Variants in FAM193A observed in about 807,000 individuals in gnomAD.
FAM193A encodes protein FAM193A.
Under a neutral mutation model 126.5 loss-of-function variants are expected in FAM193A, and 22 were observed. The observed-to-expected ratio is 0.17, with a 90% CI of 0.12 to 0.25. FAM193A has a LOEUF of 0.25. Ranked by LOEUF, FAM193A falls within the 10% of genes least tolerant of loss-of-function variation. The pLI, the probability that FAM193A is intolerant of heterozygous loss-of-function variation, is 1.00. For synonymous variants in FAM193A, 761 were observed against 646.8 expected (o/e 1.18, Z -2.68); for missense variants, 1,675 against 1,672.8 (o/e 1.00, Z -0.02).
chr4:2,547,024 T>A (rs1737603588), intron 1 of FAM193A, among the ~76,000 whole-genome samples: 1 of 152,178 alleles, frequency 6.6e-6, no homozygotes, highest in Non-Finnish European at 1.5e-5. Flanking sequence ...GCTCAGGCAG[T>A]CTACTGGTCT....
At chr4:2,715,599 G>A in intron 19 of FAM193A, 4 of 818,204 alleles carry the variant, frequency 4.9e-6, no homozygotes, top group Non-Finnish European at 6.0e-6. Flanking sequence ...ACATGGGCCT[G>A]TCCCCTGGGC....
intron 19 of FAM193A, among the ~76,000 whole-genome samples, chr4:2,706,733 T>C (rs905904377): frequency 6.6e-6 from 1 of 151,414 alleles, no homozygotes; most frequent in African/African-American, 2.4e-5. Context: ...CTCGTAGGGC[T>C]GTTCTCTCCT....
At chr4:2,618,776 G>C (rs1471281158) in intron 2 of FAM193A, among the ~76,000 whole-genome samples, 9 of 151,958 alleles carry the variant, frequency 5.9e-5, no homozygotes, top group African/African-American at 2.2e-4. Context: ...TGTATTTTTA[G>C]AAGGGACAAG....
intron 19 of FAM193A, among the ~76,000 whole-genome samples, chr4:2,705,153 G>A (rs1285096026): frequency 2.6e-5 from 4 of 152,128 alleles, no homozygotes; most frequent in Admixed American, 2.6e-4. Context: ...CTCACAATCC[G>A]CCTGTCTTGG....
At chr4:2,641,875 A>G (rs1744659916) in intron 6 of FAM193A, among the ~76,000 whole-genome samples, 1 of 151,574 alleles carries the variant, frequency 6.6e-6, no homozygotes, top group Non-Finnish European at 1.5e-5. Context: ...AGGCTGAGGC[A>G]GGAGGATTGC....
At chr4:2,670,652 G>T (rs1219313394) in intron 12 of FAM193A, among the ~76,000 whole-genome samples, 2 of 152,064 alleles carry the variant, frequency 1.3e-5, no homozygotes, top group Admixed American at 6.5e-5. Flanking sequence ...TAGAGACAGG[G>T]TTTTGCCATG....
intron 1 of FAM193A, among the ~76,000 whole-genome samples, chr4:2,593,481 C>T (rs916004482): frequency 6.6e-6 from 1 of 152,176 alleles, no homozygotes; most frequent in African/African-American, 2.4e-5. Flanking sequence ...ATCTTCTTTG[C>T]TGTTATGTTT....
At chr4:2,728,591 A>G (rs1721018976) in intron 20 of FAM193A, among the ~76,000 whole-genome samples, 1 of 152,084 alleles carries the variant, frequency 6.6e-6, no homozygotes, top group African/African-American at 2.4e-5. Flanking sequence ...CCTGGGGCTG[A>G]AATTTTGTTC....
chr4:2,609,254 G>C (rs1008169418), intron 2 of FAM193A, among the ~76,000 whole-genome samples: 1 of 151,994 alleles, frequency 6.6e-6, no homozygotes, highest in Non-Finnish European at 1.5e-5. Flanking sequence ...TTATATGAAG[G>C]CTAAAAGACA....
At chr4:2,647,231 C>T (rs1284688985) in intron 7 of FAM193A, among the ~76,000 whole-genome samples, 2 of 152,048 alleles carry the variant, frequency 1.3e-5, no homozygotes, top group African/African-American at 2.4e-5. Context: ...CCCCAACCTC[C>T]GCCTCCCGGG....
chr4:2,658,006 A>C (rs1160424689), intron 8 of FAM193A, 126 bp downstream of exon 8: 1 of 702,276 alleles, frequency 1.4e-6, no homozygotes, highest in East Asian at 2.6e-5. Context: ...ATGTTTTGCC[A>C]GCGTTAAAAA....
At chr4:2,692,865 G>A in intron 15 of FAM193A, among the ~76,000 whole-genome samples, 1 of 150,522 alleles carries the variant, frequency 6.6e-6, no homozygotes, top group Non-Finnish European at 1.5e-5. Flanking sequence ...GAGGGAGGGA[G>A]GGAAAGAAAG....
At chr4:2,538,839 T>C (rs1382965771) in intron 1 of FAM193A, among the ~76,000 whole-genome samples, 4 of 152,184 alleles carry the variant, frequency 2.6e-5, no homozygotes, top group Non-Finnish European at 5.9e-5. Context: ...ATTTCAAGTT[T>C]TAATAATTTA....
At chr4:2,674,373 C>A (rs999718976) in intron 13 of FAM193A, among the ~76,000 whole-genome samples, 1 of 152,210 alleles carries the variant, frequency 6.6e-6, no homozygotes, top group Non-Finnish European at 1.5e-5. Flanking sequence ...GAGTTGTGGA[C>A]AGCTTAAGAA....
At chr4:2,623,179 CTT>C (rs1314740790) in intron 2 of FAM193A, among the ~76,000 whole-genome samples, 1 of 149,526 alleles carries the variant, frequency 6.7e-6, no homozygotes, top group Non-Finnish European at 1.5e-5. Flanking sequence ...CCCCTGCTGT[CTT>C]TTTTTTTTGA....
chr4:2,579,686 G>A (rs1052587257), intron 1 of FAM193A, among the ~76,000 whole-genome samples: 3 of 151,922 alleles, frequency 2.0e-5, no homozygotes, highest in South Asian at 4.2e-4. Context: ...GTGACAGAGT[G>A]AGGCCCTGTC....
intron 1 of FAM193A, among the ~76,000 whole-genome samples, chr4:2,578,749 CTG>C (rs1739749384): frequency 6.6e-6 from 1 of 152,094 alleles, no homozygotes; most frequent in African/African-American, 2.4e-5. Context: ...ATATTATCTA[CTG>C]TATTCCTACA....
At chr4:2,612,231 G>A (rs576504923) in intron 2 of FAM193A, among the ~76,000 whole-genome samples, 3 of 151,906 alleles carry the variant, frequency 2.0e-5, no homozygotes, top group East Asian at 2.0e-4. Flanking sequence ...TGGCCGGGCC[G>A]TGGCTCACGC....
Position 2,596,074 on chromosome 4 carries a change from T to C in FAM193A, c.256-10T>C. ...GGTTTTGAAAATAGAATTTTTTTTT[T>C]CTATTCCAGACTCCTTTTAGTTTTG... On this transcript the variant is annotated splice_polypyrimidine_tract_variant and intron_variant, in intron 1 of 20. Coordinates refer to ENST00000637812, the MANE Select transcript of FAM193A (RefSeq NM_001366318.2). The C allele has an allele frequency of 1.5e-6, 1 of 682,328 alleles. No homozygotes were observed. Among genetic ancestry groups the C allele is most frequent in the Non-Finnish European group, 2.7e-6 (1 of 375,090 alleles). 42.3% of individuals were successfully genotyped at this position (682,328 alleles called of 1,614,324 possible). A position where few individuals can be genotyped will look rare whatever the true frequency, so the allele number is the denominator to read the frequency against.
Sources: allele counts gnomAD v4.1 joint callset (sites outside exome capture counted in the v4.1 genomes callset), GRCh38; gene constraint gnomAD v4.1.1; transcripts MANE v1.5; gene names NCBI Gene and HGNC (gene_info 2026-07-23, HGNC 2026-07-21).